The following CNTNAP2 variants were observed in gnomAD, a reference collection of about 807,000 sequenced individuals.
CNTNAP2 encodes the protein contactin-associated protein-like 2.
A neutral mutation model predicts 155.2 loss-of-function variants in CNTNAP2; 98 were observed. The ratio of observed to expected loss-of-function variants is 0.63; its 90% confidence interval spans 0.54 to 0.75. The LOEUF (loss-of-function observed/expected upper bound fraction) is 0.75, where lower values mean the gene tolerates loss of function less well. Among genes scored for constraint, CNTNAP2 ranks in the 30% least tolerant of loss-of-function variants. The pLI is 0.00. For missense variants in CNTNAP2, 1,727 were observed against 1,688.1 expected, an observed-to-expected ratio of 1.02 and a Z score of -0.40; for synonymous variants, 651 against 631.2, an observed-to-expected ratio of 1.03 and a Z score of -0.47.
At chr7:148,275,544 G>A (rs1423868903) in intron 21 of CNTNAP2, among the ~76,000 whole-genome samples, 1 of 152,222 alleles carries the variant, frequency 6.6e-6, no homozygotes, top group Non-Finnish European at 1.5e-5. Context: ...GATTGGCAGG[G>A]TGGTTGTTCT....
chr7:146,757,368 A>G (rs1382843308), intron 1 of CNTNAP2, among the ~76,000 whole-genome samples: 3 of 152,190 alleles, frequency 2.0e-5, no homozygotes, highest in Non-Finnish European at 4.4e-5. Flanking sequence ...CTATGAATCC[A>G]TATCAGCATT....
intron 11 of CNTNAP2, among the ~76,000 whole-genome samples, chr7:147,505,895 A>T (rs1300872988): frequency 6.6e-6 from 1 of 151,886 alleles, no homozygotes; most frequent in East Asian, 1.9e-4. Flanking sequence ...ATCAGAGTCA[A>T]ATGGGTTTGG....
chr7:147,945,868 C>CTTTTTTTTT, intron 14 of CNTNAP2, among the ~76,000 whole-genome samples: 1 of 123,358 alleles, frequency 8.1e-6, no homozygotes, highest in Non-Finnish European at 1.7e-5. Context: ...TTTTCTTTTT[C>CTTTTTTTTT]TTTTTTTTTT....
At chr7:147,756,809 C>T (rs1440709339) in intron 13 of CNTNAP2, among the ~76,000 whole-genome samples, 4 of 152,074 alleles carry the variant, frequency 2.6e-5, no homozygotes, top group Admixed American at 2.6e-4. Context: ...GTTTTTATTG[C>T]TCCAAAGAAA....
At chr7:147,722,930 A>G (rs1796586184) in intron 13 of CNTNAP2, among the ~76,000 whole-genome samples, 1 of 152,074 alleles carries the variant, frequency 6.6e-6, no homozygotes, top group Non-Finnish European at 1.5e-5. Context: ...TAGATAGTTG[A>G]CTTTCACTTT....
At chr7:147,513,295 C>T (rs1332534284) in intron 11 of CNTNAP2, among the ~76,000 whole-genome samples, 8 of 151,436 alleles carry the variant, frequency 5.3e-5, no homozygotes, top group Non-Finnish European at 8.8e-5. Context: ...TCTAAATGCC[C>T]GAATGGATTA....
intron 21 of CNTNAP2, among the ~76,000 whole-genome samples, chr7:148,317,694 C>T (rs1563039509): frequency 6.6e-6 from 1 of 152,060 alleles, no homozygotes. Context: ...TCTTGGTTGC[C>T]CTGAGCTCAT....
At chr7:146,638,578 G>A (rs908780075) in intron 1 of CNTNAP2, among the ~76,000 whole-genome samples, 16 of 142,784 alleles carry the variant, frequency 1.1e-4, no homozygotes, top group Middle Eastern at 3.8e-3. Flanking sequence ...TCCTCCTCCC[G>A]GGTTCACGCC....
chr7:146,550,833 T>G (rs779218499), intron 1 of CNTNAP2, among the ~76,000 whole-genome samples: 1 of 152,070 alleles, frequency 6.6e-6, no homozygotes, highest in Non-Finnish European at 1.5e-5. Context: ...TTTTTAAACC[T>G]GTTCCACAGG....
intron 2 of CNTNAP2, among the ~76,000 whole-genome samples, chr7:146,826,140 A>C (rs1393351750): frequency 1.3e-5 from 2 of 152,100 alleles, no homozygotes; most frequent in Non-Finnish European, 2.9e-5. Flanking sequence ...TTGCATCCCT[A>C]ATTATTTGGT....
intron 8 of CNTNAP2, among the ~76,000 whole-genome samples, chr7:147,209,064 T>A (rs1194999812): frequency 6.6e-6 from 1 of 152,032 alleles, no homozygotes; most frequent in Non-Finnish European, 1.5e-5. Flanking sequence ...TTACCTTGGT[T>A]ATCCGGGGTC....
intron 20 of CNTNAP2, among the ~76,000 whole-genome samples, chr7:148,234,810 AATCACAC>A (rs1217108254): frequency 6.6e-6 from 1 of 152,226 alleles, no homozygotes; most frequent in African/African-American, 2.4e-5. Flanking sequence ...TATCCATGAC[AATCACAC>A]ATTTTTGGGT....
chr7:148,314,597 C>T (rs567649374), intron 21 of CNTNAP2, among the ~76,000 whole-genome samples: 129 of 151,282 alleles, frequency 8.5e-4, no homozygotes, highest in Non-Finnish European at 1.5e-3. Context: ...GAGAAGGGGT[C>T]GGGGGGTTCT....
Position 146,849,014 on chromosome 7 carries a change from C to T in CNTNAP2, c.402+9110C>T, listed in dbSNP as rs138267123. On this transcript the variant is annotated intron_variant, in intron 3 of 23. Transcript: ENST00000361727. ...CAGGCTGGCCTTGAACTCCTGGCCTCAAGTGATACACCCACCTAGGCCTCC... is the reference window on the plus strand; with the variant it reads ...CAGGCTGGCCTTGAACTCCTGGCCTTAAGTGATACACCCACCTAGGCCTCC... Among the ~76,000 whole-genome samples the T allele has an allele frequency of 4.5e-3, 681 of 152,206 alleles. 3 individuals carry two copies. Among genetic ancestry groups the T allele is most frequent in the African/African-American group, 0.016 (649 of 41,532 alleles).
chr7:148,142,882 C>T (rs1805103613), intron 16 of CNTNAP2, among the ~76,000 whole-genome samples: 1 of 152,188 alleles, frequency 6.6e-6, no homozygotes, highest in Admixed American at 6.5e-5. Context: ...CGTGAACATG[C>T]CAAGAGCTCT....
At chr7:147,052,493 T>G (rs1799491316) in intron 4 of CNTNAP2, among the ~76,000 whole-genome samples, 1 of 152,114 alleles carries the variant, frequency 6.6e-6, no homozygotes, top group South Asian at 2.1e-4. Flanking sequence ...TTGTATCATA[T>G]TGAACAGTGC....
chr7:146,669,905 C>A (rs1800271007), intron 1 of CNTNAP2, among the ~76,000 whole-genome samples: 1 of 152,078 alleles, frequency 6.6e-6, no homozygotes, highest in South Asian at 2.1e-4. Flanking sequence ...GGACAAAAAG[C>A]AATGAACACA....
At chr7:146,958,395 C>A (rs1399698921) in intron 3 of CNTNAP2, among the ~76,000 whole-genome samples, 2 of 146,060 alleles carry the variant, frequency 1.4e-5, no homozygotes, top group Non-Finnish European at 3.0e-5. Flanking sequence ...TTCTTCACAA[C>A]ACATTTTTAT....
At chr7:148,272,641 A>AT (rs1009997895) in intron 21 of CNTNAP2, among the ~76,000 whole-genome samples, 2 of 151,508 alleles carry the variant, frequency 1.3e-5, no homozygotes, top group Non-Finnish European at 2.9e-5. Context: ...CAGCACTTAG[A>AT]TAAAAAAAAT....
Sources: allele counts gnomAD v4.1 joint callset (sites outside exome capture counted in the v4.1 genomes callset), GRCh38; gene constraint gnomAD v4.1.1; transcripts MANE v1.5; gene names NCBI Gene and HGNC (gene_info 2026-07-23, HGNC 2026-07-21).